The following PTPRD variants were observed in gnomAD, a reference collection of about 807,000 sequenced individuals.
PTPRD encodes protein tyrosine phosphatase receptor type D, also known as receptor-type tyrosine-protein phosphatase delta.
Under a neutral mutation model 214.5 loss-of-function variants are expected in PTPRD, and 34 were observed. The ratio of observed to expected loss-of-function variants is 0.16; its 90% CI spans 0.12 to 0.21. The LOEUF (loss-of-function observed/expected upper bound fraction) is 0.21, where lower values mean the gene tolerates loss of function less well. Ranked by LOEUF, PTPRD falls within the 10% of genes least tolerant of loss-of-function variation. The pLI is 1.00. For missense variants in PTPRD, 2,545 were observed against 2,398.7 expected, an observed-to-expected ratio of 1.06 and a Z score of -1.27; for synonymous variants, 1,128 against 845.7, an observed-to-expected ratio of 1.33 and a Z score of -5.79.
chr9:10,558,580 GT>G (rs2063144032), intron 2 of PTPRD, among the ~76,000 whole-genome samples: 2 of 152,084 alleles, frequency 1.3e-5, no homozygotes, highest in Non-Finnish European at 2.9e-5. Flanking sequence ...TCTCAGCCTA[GT>G]TAATTTATTA....
chr9:9,441,236 T>C (rs1262701351), intron 8 of PTPRD, among the ~76,000 whole-genome samples: 1 of 152,106 alleles, frequency 6.6e-6, no homozygotes, highest in Non-Finnish European at 1.5e-5. Context: ...CGAAGCGGTG[T>C]GGGAGGCATA....
rs566999807 is a variant in PTPRD at position 9,735,552 on chromosome 9, G to C, written c.-325-981C>G. ...AGAAAATTTAAATTAGGTTATTTCT[G>C]TTGGGCCAGAATAATCTCCATAATG... On this transcript the variant is annotated intron_variant, in intron 6 of 45. Coordinates refer to ENST00000381196, the MANE Select transcript of PTPRD (RefSeq NM_002839.4). Among the ~76,000 whole-genome samples the C allele has an allele frequency of 3.9e-5, 6 of 152,170 alleles. No individual in the cohort carries two copies. In the East Asian group the frequency reaches 9.7e-4, roughly 24 times the overall value.
rs372183672 is a variant in PTPRD at position 10,490,066 on chromosome 9, A to G, written c.-600+122332T>C. 1.2e-4 allele frequency among the ~76,000 whole-genome samples: 18 copies of G among 152,310 alleles called. No homozygotes were observed. The East Asian group carries it at 2.3e-3, about 20-fold the overall frequency. On this transcript the variant is annotated intron_variant, in intron 2 of 45. Coordinates refer to ENST00000381196, the MANE Select transcript of PTPRD (RefSeq NM_002839.4). The stretch of plus-strand genomic sequence containing the variant: ...CTTGTCAGGGAAGAGAATAATCAGT[A>G]GAGACTCCCATTCTCCCATCTTTCT...
At chr9:9,641,790 G>A (rs1399023709) in intron 7 of PTPRD, among the ~76,000 whole-genome samples, 1 of 152,082 alleles carries the variant, frequency 6.6e-6, no homozygotes, top group African/African-American at 2.4e-5. Flanking sequence ...CGGGGCTGAA[G>A]GAACTCCCCA....
At chr9:10,598,128 A>C (rs1218540204) in intron 2 of PTPRD, among the ~76,000 whole-genome samples, 1 of 149,764 alleles carries the variant, frequency 6.7e-6, no homozygotes, top group Non-Finnish European at 1.5e-5. Context: ...AGTTTTCTAA[A>C]TGTAGAAGAT....
chr9:8,816,270 T>C (rs186721353), intron 11 of PTPRD, among the ~76,000 whole-genome samples: 31 of 152,342 alleles, frequency 2.0e-4, no homozygotes, highest in African/African-American at 7.5e-4. Flanking sequence ...CTAGATTCAC[T>C]TTTTTCTTTG....
intron 8 of PTPRD, among the ~76,000 whole-genome samples, chr9:9,561,740 G>A (rs1038371544): frequency 2.6e-5 from 4 of 152,144 alleles, no homozygotes; most frequent in African/African-American, 9.7e-5. Context: ...CTCTTCAGAG[G>A]TGATGAGATC....
At chr9:10,115,237 A>T (rs1169913553) in intron 3 of PTPRD, among the ~76,000 whole-genome samples, 2 of 152,170 alleles carry the variant, frequency 1.3e-5, no homozygotes, top group Middle Eastern at 3.4e-3. Flanking sequence ...AATTACAATC[A>T]AGTGAATAAG....
At chr9:8,487,881 G>A (rs964409002) in intron 27 of PTPRD, among the ~76,000 whole-genome samples, 1 of 151,598 alleles carries the variant, frequency 6.6e-6, no homozygotes, top group African/African-American at 2.4e-5. Context: ...CGGGGGGAGG[G>A]GGGAAGGCAT....
chr9:9,412,236 T>C (rs1321783429), intron 8 of PTPRD, among the ~76,000 whole-genome samples: 1 of 152,220 alleles, frequency 6.6e-6, no homozygotes, highest in Non-Finnish European at 1.5e-5. Flanking sequence ...TAATTATGCC[T>C]TATTTCAAAT....
chr9:10,237,132 G>A (rs113199864), intron 3 of PTPRD, among the ~76,000 whole-genome samples: 51 of 151,812 alleles, frequency 3.4e-4, no homozygotes, highest in African/African-American at 1.1e-3. Context: ...CAAATATGCC[G>A]CTCTGGTGGG....
chr9:8,594,179 C>T (rs1377735139), intron 14 of PTPRD, among the ~76,000 whole-genome samples: 1 of 152,132 alleles, frequency 6.6e-6, no homozygotes, highest in African/African-American at 2.4e-5. Context: ...CTCCAATCTC[C>T]ACTTTACAAT....
chr9:10,403,886 C>T (rs1008832026), intron 2 of PTPRD, among the ~76,000 whole-genome samples: 1 of 151,538 alleles, frequency 6.6e-6, no homozygotes, highest in Non-Finnish European at 1.5e-5. Context: ...ATTTTTAGGG[C>T]ACTAAAAATA....
intron 12 of PTPRD, among the ~76,000 whole-genome samples, chr9:8,699,538 A>C (rs1263326609): frequency 6.6e-6 from 1 of 152,210 alleles, no homozygotes; most frequent in Admixed American, 6.5e-5. Context: ...TCCATTGGAC[A>C]AGTTTGAAAA....
chr9:9,833,689 G>GGGGGT (rs1565616343), intron 5 of PTPRD, among the ~76,000 whole-genome samples: 1 of 146,364 alleles, frequency 6.8e-6, no homozygotes, highest in Non-Finnish European at 1.5e-5. Context: ...GGAGAGGGGG[G>GGGGGT]CAGTTCAGAG....
intron 2 of PTPRD, among the ~76,000 whole-genome samples, chr9:10,433,195 C>G (rs945122563): frequency 2.6e-4 from 39 of 151,730 alleles, no homozygotes; most frequent in African/African-American, 8.7e-4. Flanking sequence ...ACCTTATTAC[C>G]TTTCCTAGTC....
At chr9:10,027,267 A>G (rs2096941842) in intron 4 of PTPRD, among the ~76,000 whole-genome samples, 1 of 152,184 alleles carries the variant, frequency 6.6e-6, no homozygotes, top group African/African-American at 2.4e-5. Context: ...TTAGTGAATA[A>G]ATGGGAACTT....
chr9:9,036,412 C>T (rs1052231437), intron 10 of PTPRD, among the ~76,000 whole-genome samples: 3 of 151,842 alleles, frequency 2.0e-5, no homozygotes, highest in African/African-American at 7.3e-5. Context: ...ATTGTCATAG[C>T]CAACAGCAAC....
intron 7 of PTPRD, among the ~76,000 whole-genome samples, chr9:9,606,691 C>A (rs1186995799): frequency 6.6e-6 from 1 of 151,820 alleles, no homozygotes; most frequent in Non-Finnish European, 1.5e-5. Context: ...ATACTACCAA[C>A]CACCAGGGGG....
Sources: allele counts gnomAD v4.1 joint callset (sites outside exome capture counted in the v4.1 genomes callset), GRCh38; gene constraint gnomAD v4.1.1; transcripts MANE v1.5; gene names NCBI Gene and HGNC (gene_info 2026-07-23, HGNC 2026-07-21).